TRAF3: variants seen among roughly 807,000 people sequenced by gnomAD.
TRAF3 encodes TNF receptor-associated factor 3.
TRAF3 carries 13 observed loss-of-function variants against 62.3 expected under a neutral mutation model. The ratio of observed to expected loss-of-function variants is 0.21; its 90% CI spans 0.14 to 0.33. The LOEUF (loss-of-function observed/expected upper bound fraction) is 0.33. Among genes scored for constraint, TRAF3 ranks in the 10% least tolerant of loss-of-function variants. The pLI is 1.00. For synonymous variants in TRAF3, 269 were observed against 283.4 expected, an observed-to-expected ratio of 0.95 and a Z score of 0.51; for missense variants, 440 against 741.8, an observed-to-expected ratio of 0.59 and a Z score of 4.73.
intron 2 of TRAF3, among the ~76,000 whole-genome samples, chr14:102,847,387 C>T (rs1308860843): frequency 6.6e-6 from 1 of 152,136 alleles, no homozygotes; most frequent in East Asian, 1.9e-4. Flanking sequence ...ATTGGCCCGG[C>T]TGGTCTCGAA....
At chr14:102,846,763 T>C (rs1250315034) in intron 2 of TRAF3, among the ~76,000 whole-genome samples, 1 of 151,776 alleles carries the variant, frequency 6.6e-6, no homozygotes, top group South Asian at 2.1e-4. Context: ...CTGCCGTGAG[T>C]TGTGGTTGCA....
Position 102,791,166 on chromosome 14 carries a change from C to T in TRAF3, c.-157+13491C>T, listed in dbSNP as rs148788998. ...TCCCGAGTAGCTGGGACTACAGGCA[C>T]CTGCCACCATGCCTGGCTAATTTTT... is the stretch of plus-strand genomic sequence containing the variant. On this transcript the variant is annotated intron_variant, in intron 1 of 11. Coordinates refer to ENST00000392745, the MANE Select transcript of TRAF3 (RefSeq NM_145725.3). Among the ~76,000 whole-genome samples, 446 of 151,844 alleles carry T rather than the reference C, an allele frequency of 2.9e-3. 2 individuals are homozygous for T. Among genetic ancestry groups the T allele is most frequent in the African/African-American group, 7.2e-3 (298 of 41,340 alleles).
intron 1 of TRAF3, among the ~76,000 whole-genome samples, chr14:102,816,615 CT>C: frequency 2.0e-5 from 3 of 152,062 alleles, no homozygotes; most frequent in Non-Finnish European, 4.4e-5. Context: ...TTTTGTGATT[CT>C]CGTATTTCTG....
chr14:102,845,862 C>A (rs1483442809), intron 2 of TRAF3, among the ~76,000 whole-genome samples: 5 of 151,540 alleles, frequency 3.3e-5, no homozygotes, highest in Non-Finnish European at 7.4e-5. Flanking sequence ...TGCTTGTAAT[C>A]CCAGCTACTG....
At chr14:102,824,072 G>T (rs900656563) in intron 1 of TRAF3, among the ~76,000 whole-genome samples, 6 of 152,210 alleles carry the variant, frequency 3.9e-5, no homozygotes, top group African/African-American at 1.4e-4. Context: ...GAACATTCAT[G>T]TACAGGTTTT....
intron 1 of TRAF3, chr14:102,808,968 A>G (rs1898946052): frequency 6.6e-6 from 1 of 151,944 alleles, no homozygotes; most frequent in Admixed American, 6.6e-5. Flanking sequence ...GGTGCGCGCC[A>G]TCACACCCAG....
At chr14:102,894,036 C>A (rs1428907709) in intron 9 of TRAF3, among the ~76,000 whole-genome samples, 1 of 152,208 alleles carries the variant, frequency 6.6e-6, no homozygotes, top group Non-Finnish European at 1.5e-5. Context: ...TTCACAAAGA[C>A]TGATCCTCAG....
At chr14:102,835,685 T>C (rs989798554) in intron 2 of TRAF3, among the ~76,000 whole-genome samples, 3 of 152,104 alleles carry the variant, frequency 2.0e-5, no homozygotes, top group Admixed American at 6.5e-5. Context: ...TTCTCACTTA[T>C]AAGTGGGAGC....
chr14:102,870,103 C>T, intron 2 of TRAF3, 82 bp from the exon 3 acceptor site: 1 of 1,577,196 alleles, frequency 6.3e-7, no homozygotes, highest in Non-Finnish European at 8.7e-7. Flanking sequence ...CAGCAGGTCT[C>T]AGGCACTTTT....
chr14:102,820,074 T>C (rs1899798185), intron 1 of TRAF3, among the ~76,000 whole-genome samples: 1 of 152,162 alleles, frequency 6.6e-6, no homozygotes, highest in African/African-American at 2.4e-5. Context: ...GAGCCCATGC[T>C]GGGAGGGCAC....
In TRAF3 at chr14:102,910,391, C is replaced by T. The variant is rs1890803898; in HGVS notation, c.*4607C>T. The T allele has an allele frequency of 6.6e-6, 1 of 152,272 alleles. No homozygotes were observed. The highest frequency in any genetic ancestry group is 1.5e-5 in the Non-Finnish European group (1 of 68,062). The allele number at this position is 152,272 out of a possible 1,614,324, so 9.4% of individuals were successfully genotyped here. A position where few individuals can be genotyped will look rare whatever the true frequency, so the allele number is the denominator to read the frequency against. ...CCCAAATCTACTTCTCAGCCCATGACCATAGTTCTGTTTTCCGTTTGCAAA... is the reference window on the plus strand; with the variant it reads ...CCCAAATCTACTTCTCAGCCCATGATCATAGTTCTGTTTTCCGTTTGCAAA... On this transcript the variant is annotated 3_prime_UTR_variant, in exon 12 of 12. Transcript: ENST00000392745.
chr14:102,897,300 A>G lies in TRAF3; in HGVS notation c.859A>G (p.Ser287Gly). The change falls in exon 10 of 12, where the codon AGC becomes GGC. Residue 287 changes from serine to glycine, a missense_variant. Coordinates refer to ENST00000392745, the MANE Select transcript of TRAF3 (RefSeq NM_145725.3). ...GAATGAAAGTGTAGAAAAAAACAAG[A>G]GCATACAAAGTTTGCACAATCAGAT... Reference protein sequence around the residue: ...LQNESVEKNKSIQSLHNQICS... With the variant: ...LQNESVEKNKGIQSLHNQICS... 1 of 1,613,864 alleles carries G rather than the reference A, an allele frequency of 6.2e-7. No homozygotes were observed. Among genetic ancestry groups the G allele is most frequent in the Non-Finnish European group, 8.5e-7 (1 of 1,179,874 alleles).
chr14:102,837,118 TTGTGTG>T (rs139388630), intron 2 of TRAF3, among the ~76,000 whole-genome samples: 10 of 78,356 alleles, frequency 1.3e-4, no homozygotes, highest in Non-Finnish European at 1.8e-4. Flanking sequence ...AGCAAGTAAT[TTGTGTG>T]TGTGTGTGTG....
intron 9 of TRAF3, among the ~76,000 whole-genome samples, chr14:102,893,948 CTTA>C (rs763211568): frequency 6.6e-6 from 1 of 152,208 alleles, no homozygotes; most frequent in African/African-American, 2.4e-5. Context: ...GAATTTATTT[CTTA>C]TTATAGAATT....
At chr14:102,888,311 A>G (rs1018166021) in intron 7 of TRAF3, among the ~76,000 whole-genome samples, 1 of 152,192 alleles carries the variant, frequency 6.6e-6, no homozygotes, top group African/African-American at 2.4e-5. Context: ...AGGAGCAGCA[A>G]GGGCGTCAGG....
chr14:102,781,182 C>T (rs1897261287), intron 1 of TRAF3, among the ~76,000 whole-genome samples: 1 of 152,180 alleles, frequency 6.6e-6, no homozygotes, highest in Non-Finnish European at 1.5e-5. Flanking sequence ...TACAGGGCCC[C>T]CTCCCACTTT....
At chr14:102,782,721 A>G (rs117536767) in intron 1 of TRAF3, among the ~76,000 whole-genome samples, 1 of 151,894 alleles carries the variant, frequency 6.6e-6, no homozygotes, top group Non-Finnish European at 1.5e-5. Context: ...AAAAAATTAA[A>G]TGGAGGCTAT....
chr14:102,784,579 C>T (rs1278502737), intron 1 of TRAF3, among the ~76,000 whole-genome samples: 2 of 152,184 alleles, frequency 1.3e-5, no homozygotes, highest in African/African-American at 4.8e-5. Context: ...ATCACCCACA[C>T]TTTCTTTGAG....
intron 2 of TRAF3, 25 bp from the exon 3 acceptor site, chr14:102,870,160 G>A (rs777282211): frequency 1.9e-6 from 3 of 1,613,896 alleles, no homozygotes; most frequent in Non-Finnish European, 2.5e-6. Context: ...GGATATGATG[G>A]CACTCTACTG....
Sources: allele counts gnomAD v4.1 joint callset (sites outside exome capture counted in the v4.1 genomes callset), GRCh38; gene constraint gnomAD v4.1.1; transcripts MANE v1.5; gene names NCBI Gene and HGNC (gene_info 2026-07-23, HGNC 2026-07-21).